The following BMS1 variants were observed in gnomAD, a reference collection of about 807,000 sequenced individuals.
The protein encoded by BMS1 is BMS1 ribosome biogenesis factor.
In BMS1, 53 loss-of-function variants were observed where a neutral mutation model predicts 138.7. The observed-to-expected ratio is 0.38, with a 90% CI of 0.31 to 0.48. The LOEUF is 0.48. BMS1 is among the 20% of genes least tolerant of loss of function. The pLI is 0.97. For missense variants in BMS1, 1,360 were observed against 1,565.5 expected (o/e 0.87, Z 2.22); for synonymous variants, 504 against 539.9 (o/e 0.93, Z 0.92).
rs1187239741 is a variant in BMS1 at position 42,793,125 on chromosome 10, G to A, written c.1070G>A (p.Gly357Asp). 8 of 1,607,196 alleles carry A rather than the reference G, an allele frequency of 5.0e-6. No individual in the cohort carries two copies. The South Asian group carries it at 8.9e-5, about 18-fold the overall frequency. ...AAAGACGCTGTCTATGTTGACCTTGGTGGCAGCCACGTTTTTCAGGTATCG... is the reference window on the plus strand; with the variant it reads ...AAAGACGCTGTCTATGTTGACCTTGATGGCAGCCACGTTTTTCAGGTATCG... ...YDKDAVYVDL[G>D]GSHVFQDEVG... Residue 357 changes from glycine to aspartate, a missense_variant, in exon 8 of 23, where the codon GGT becomes GAT. By Grantham distance (94) the Gly-to-Asp change is moderately conservative (BLOSUM62 -1). Transcript: ENST00000374518.
chr10:42,821,133 C>T (rs2900820), intron 18 of BMS1, 141 bp downstream of exon 18: 1 of 729,840 alleles, frequency 1.4e-6, no homozygotes, highest in East Asian at 2.7e-5. Context: ...TTTTAATCTT[C>T]CTACATCGTT....
chr10:42,820,820 G>C, intron 17 of BMS1, 114 bp from the exon 18 acceptor site: 1 of 1,252,454 alleles, frequency 8.0e-7, no homozygotes, highest in Non-Finnish European at 1.1e-6. Flanking sequence ...CGGGGAGGTG[G>C]TTTGGAGTAT....
intron 4 of BMS1, among the ~76,000 whole-genome samples, chr10:42,788,699 A>C (rs1258965994): frequency 6.6e-6 from 1 of 152,176 alleles, no homozygotes; most frequent in Non-Finnish European, 1.5e-5. Context: ...TAAATCTTTT[A>C]AAGATTTTTC....
chr10:42,814,387 T>A (rs1842275532), intron 13 of BMS1, among the ~76,000 whole-genome samples: 1 of 151,116 alleles, frequency 6.6e-6, no homozygotes, highest in East Asian at 1.9e-4. Context: ...ATAGAGCCCA[T>A]CTAGATAGAT....
chr10:42,812,977 C>A (rs1464867929), intron 13 of BMS1, among the ~76,000 whole-genome samples: 1 of 152,122 alleles, frequency 6.6e-6, no homozygotes, highest in Non-Finnish European at 1.5e-5. Flanking sequence ...GCCTTTGGGG[C>A]CCTGTGAGGC....
intron 15 of BMS1, among the ~76,000 whole-genome samples, chr10:42,819,772 A>T (rs367587374): frequency 6.6e-6 from 1 of 152,170 alleles, no homozygotes; most frequent in African/African-American, 2.4e-5. Flanking sequence ...CTGTAGAGGT[A>T]AAATATGTAG....
chr10:42,805,765 T>A (rs559802771), intron 13 of BMS1, among the ~76,000 whole-genome samples: 1 of 152,296 alleles, frequency 6.6e-6, no homozygotes, highest in African/African-American at 2.4e-5. Flanking sequence ...ATTTTTTTTT[T>A]AATTGATCTT....
At chr10:42,796,410 G>T in intron 9 of BMS1, 64 bp from the exon 10 acceptor site, 1 of 1,482,024 alleles carries the variant, frequency 6.7e-7, no homozygotes, top group South Asian at 1.3e-5. Context: ...TGACTATATT[G>T]CCATTTCTAG....
chr10:42,800,234 A>G (rs1389538035), intron 12 of BMS1, among the ~76,000 whole-genome samples: 6 of 152,196 alleles, frequency 3.9e-5, no homozygotes, highest in African/African-American at 1.2e-4. Flanking sequence ...AACATCTAGC[A>G]GTTGGATGGG....
intron 13 of BMS1, among the ~76,000 whole-genome samples, chr10:42,810,644 A>G (rs572960024): frequency 1.3e-5 from 2 of 152,304 alleles, no homozygotes; most frequent in South Asian, 2.1e-4. Context: ...TTCTTATTCC[A>G]GAAGCTCTTA....
intron 13 of BMS1, among the ~76,000 whole-genome samples, chr10:42,808,289 TA>T (rs1842068096): frequency 6.7e-6 from 1 of 150,180 alleles, no homozygotes; most frequent in African/African-American, 2.4e-5. Context: ...TTTATTTATT[TA>T]TTTATTATTA....
intron 7 of BMS1, 43 bp from the exon 8 acceptor site, chr10:42,792,914 A>C: frequency 6.3e-7 from 1 of 1,580,088 alleles, no homozygotes; most frequent in Non-Finnish European, 8.6e-7. Context: ...GATGCTTCTG[A>C]CTTCTTGTCA....
At position 42,798,489 on chromosome 10, in the gene BMS1, A is replaced by G. The variant is rs749707583; in HGVS notation, c.2111A>G (p.Glu704Gly). 7 of 1,614,210 alleles carry G rather than the reference A, an allele frequency of 4.3e-6. No individual in the cohort carries two copies. In the South Asian group the frequency reaches 7.7e-5, roughly 18 times the overall value. ...YGTVTEDNEEEDDDTLEELGG... is the reference protein window; with the variant it reads ...YGTVTEDNEEGDDDTLEELGG... ...TTAGTGACAGAAGATAATGAAGAAG[A>G]AGATGATGATACTCTAGAAGAGCTT... The change falls in exon 12 of 23, where the codon GAA (glutamate) becomes GGA (glycine). Residue 704 changes from glutamate (E) to glycine (G), a missense_variant. By Grantham distance (98) the Glu-to-Gly change is moderately conservative (BLOSUM62 -2). This residue lies in a region of BMS1 where 697 missense variants were observed against 686.2 expected (regional missense o/e 1.02). Coordinates refer to ENST00000374518, the MANE Select transcript of BMS1 (RefSeq NM_014753.4).
chr10:42,788,127 T>G (rs1169383582), intron 4 of BMS1, among the ~76,000 whole-genome samples: 2 of 152,186 alleles, frequency 1.3e-5, no homozygotes, highest in African/African-American at 2.4e-5. Context: ...ATTTTAAAGT[T>G]GTGCCATTGT....
intron 21 of BMS1, among the ~76,000 whole-genome samples, chr10:42,825,874 C>T (rs1842623602): frequency 6.6e-6 from 1 of 152,098 alleles, no homozygotes; most frequent in African/African-American, 2.4e-5. Context: ...TTTAGTTGTT[C>T]CCCACTAACT....
Position 42,817,319 on chromosome 10 carries a change from A to G in BMS1, c.2405A>G (p.Asn802Ser), listed in dbSNP as rs1261452886. The change falls in exon 15 of 23, where the codon AAT (asparagine) becomes AGT (serine). Residue 802 changes from asparagine (N) to serine (S), a missense_variant and splice_region_variant. By Grantham distance (46) the Asn-to-Ser change is conservative (BLOSUM62 1). This residue lies in a region of BMS1 where 697 missense variants were observed against 686.2 expected (regional missense o/e 1.02). Transcript: ENST00000374518. Reference protein sequence around the residue: ...HKGKSGPNTQNEDIEKEVKEE... With the variant: ...HKGKSGPNTQSEDIEKEVKEE... ...AATTTTTTCTTCTGGAAATTTAAGAATGAAGATATAGAGAAAGAAGTTAAG... is the reference window on the plus strand; with the variant it reads ...AATTTTTTCTTCTGGAAATTTAAGAGTGAAGATATAGAGAAAGAAGTTAAG... 6 of 1,574,332 alleles carry G rather than the reference A, an allele frequency of 3.8e-6. No homozygotes were observed. Among genetic ancestry groups the G allele is most frequent in the Non-Finnish European group, 5.1e-6 (6 of 1,167,920 alleles).
At chr10:42,797,775 A>T (rs1353309242) in intron 11 of BMS1, among the ~76,000 whole-genome samples, 8 of 152,174 alleles carry the variant, frequency 5.3e-5, no homozygotes, top group African/African-American at 1.9e-4. Flanking sequence ...CCTATTTAAA[A>T]GTCCTTCATG....
chr10:42,783,112 T>A (rs1841207932), intron 1 of BMS1, among the ~76,000 whole-genome samples: 1 of 152,056 alleles, frequency 6.6e-6, no homozygotes, highest in African/African-American at 2.4e-5. Flanking sequence ...GAGCTGGATC[T>A]GTTGACCCCA....
In BMS1 at chr10:42,793,104, A is replaced by C. The variant is rs138363105; in HGVS notation, c.1049A>C (p.Asp350Ala). The C allele has an allele frequency of 1.2e-5, 20 of 1,613,196 alleles. No homozygotes were observed. Among genetic ancestry groups the C allele is most frequent in the Non-Finnish European group, 1.5e-5 (18 of 1,179,626 alleles). The change falls in exon 8 of 23, where the codon GAC becomes GCC. Residue 350 changes from aspartate to alanine, a missense_variant. Asp to Ala is a moderately radical substitution (Grantham distance 126). Transcript: ENST00000374518. Reference protein sequence around the residue: ...SGVGGVLYDKDAVYVDLGGSH... With the variant: ...SGVGGVLYDKAAVYVDLGGSH... ...GTTGGGGGTGTGCTGTATGACAAAGACGCTGTCTATGTTGACCTTGGTGGC... is the reference window on the plus strand; with the variant it reads ...GTTGGGGGTGTGCTGTATGACAAAGCCGCTGTCTATGTTGACCTTGGTGGC...
Sources: gnomAD v4.1 joint callset for allele counts (sites outside exome capture counted in the v4.1 genomes callset) on GRCh38, gnomAD v4.1.1 for gene constraint, gnomAD v4.1.1 regional missense constraint, MANE v1.5 for transcripts, NCBI Gene and HGNC (gene_info 2026-07-23, HGNC 2026-07-21) for gene names.